DRICH1: variants seen among roughly 807,000 people sequenced by gnomAD.
The protein encoded by DRICH1 is aspartate rich 1, also known as aspartate-rich protein 1.
In DRICH1, 38 loss-of-function variants were observed where a neutral mutation model predicts 39.5. The observed-to-expected ratio is 0.96, with a 90% CI of 0.74 to 1.26. The LOEUF (loss-of-function observed/expected upper bound fraction) is 1.26. Ranked by LOEUF, DRICH1 falls within the 50% of genes most tolerant of loss-of-function variation. The probability of loss-of-function intolerance (pLI) is 0.00; values close to 1 mark genes in which losing one functional copy is unlikely to be tolerated. For synonymous variants in DRICH1, 84 were observed against 99.5 expected (o/e 0.84, Z 0.93); for missense variants, 279 against 270.4 (o/e 1.03, Z -0.22).
chr22:23,609,241 C>T (rs1196233974), intron 11 of DRICH1, among the ~76,000 whole-genome samples: 1 of 152,232 alleles, frequency 6.6e-6, no homozygotes, highest in Non-Finnish European at 1.5e-5. Flanking sequence ...CAGCTCTACA[C>T]TGACTGTTTA....
At chr22:23,620,109 CAT>C (rs1927629683) in intron 5 of DRICH1, among the ~76,000 whole-genome samples, 1 of 152,154 alleles carries the variant, frequency 6.6e-6, no homozygotes, top group African/African-American at 2.4e-5. Context: ...AGCCCATAAA[CAT>C]AGTACTTCTC....
At chr22:23,622,045 T>A (rs1386591360) in intron 4 of DRICH1, 46 bp downstream of exon 4, 33 of 1,597,330 alleles carry the variant, frequency 2.1e-5, no homozygotes, top group Non-Finnish European at 2.7e-5. Context: ...GTTTCTCACA[T>A]CAGAAAACCA....
rs141769457 is a variant in DRICH1, at chr22:23,613,195, C to T, written c.685+94G>A. The T allele has an allele frequency of 9.9e-5, 87 of 882,042 alleles. No individual in the cohort carries two copies. The East Asian group carries it at 1.5e-3, about 16-fold the overall frequency. The allele number at this position is 882,042 out of a possible 1,614,324, so 54.6% of individuals were successfully genotyped here. On this transcript the variant is annotated intron_variant, in intron 11 of 11. Transcript: ENST00000317749. ...CCATTTTCTTTCTGATTTCATACCC[C>T]CTCCTTCAGCCCCTCCTCACAAGCA...
chr22:23,629,055 T>C (rs1244554659), intron 1 of DRICH1, among the ~76,000 whole-genome samples: 1 of 152,102 alleles, frequency 6.6e-6, no homozygotes, highest in African/African-American at 2.4e-5. Flanking sequence ...TTTGTTTGTT[T>C]GTTTTGAGAA....
At chr22:23,629,970 A>C (rs1235930324) in intron 1 of DRICH1, among the ~76,000 whole-genome samples, 1 of 152,146 alleles carries the variant, frequency 6.6e-6, no homozygotes, top group Non-Finnish European at 1.5e-5. Flanking sequence ...AATACAATGC[A>C]ATATCTTCCT....
chr22:23,613,471 G>A, intron 10 of DRICH1, 141 bp from the exon 11 acceptor site: 1 of 936,670 alleles, frequency 1.1e-6, no homozygotes. Flanking sequence ...TCTTTCTTCT[G>A]GGTCGACAAA....
At chr22:23,598,402 A>G in the DRICH1 span, among the ~76,000 whole-genome samples, 1 of 151,410 alleles carries the variant, frequency 6.6e-6, no homozygotes, top group Non-Finnish European at 1.5e-5. Context: ...TTAATCCCCA[A>G]AACAAACCTG....
chr22:23,594,948 A>G, the DRICH1 span, among the ~76,000 whole-genome samples: 36,627 of 133,278 alleles, frequency 0.27, 5,547 homozygotes, highest in East Asian at 0.34. Flanking sequence ...ATGTTGATGA[A>G]GTCCCCAGAC....
chr22:23,626,122 T>C (rs1928048338), intron 1 of DRICH1, 74 bp from the exon 2 acceptor site: 4 of 999,760 alleles, frequency 4.0e-6, no homozygotes, highest in Non-Finnish European at 6.4e-6. Flanking sequence ...CTTTGCTGGA[T>C]GCGGCACATG....
the DRICH1 span, chr22:23,581,202 T>G: frequency 6.6e-6 from 1 of 152,258 alleles, no homozygotes; most frequent in Non-Finnish European, 1.5e-5. Context: ...TTCATTCTTA[T>G]AGATTTCACT....
chr22:23,610,010 C>T (rs1191389792), intron 11 of DRICH1, among the ~76,000 whole-genome samples: 4 of 152,072 alleles, frequency 2.6e-5, no homozygotes, highest in Non-Finnish European at 4.4e-5. Flanking sequence ...CAGGTCCTTA[C>T]GAACCATCTC....
At position 23,608,705 on chromosome 22, in the gene DRICH1, T is replaced by G; in HGVS notation, c.*59A>C. 2 of 1,537,328 alleles carry G rather than the reference T, an allele frequency of 1.3e-6. No homozygotes were observed. The highest frequency in any genetic ancestry group is 1.8e-6 in the Non-Finnish European group (2 of 1,134,592). On this transcript the variant is annotated 3_prime_UTR_variant, in exon 12 of 12. Coordinates refer to ENST00000317749, the MANE Select transcript of DRICH1 (RefSeq NM_016449.4). ...CCTCCAGGGGCAAAGCTGGGGACCC[T>G]GCAGCACGCGCTGGCCTGCCCTTTG...
the DRICH1 span, among the ~76,000 whole-genome samples, chr22:23,587,022 C>T: frequency 6.6e-6 from 1 of 152,196 alleles, no homozygotes; most frequent in Non-Finnish European, 1.5e-5. Context: ...TAGCCCACCA[C>T]TCCTGCACAC....
At chr22:23,597,653 G>A in the DRICH1 span, among the ~76,000 whole-genome samples, 2 of 151,686 alleles carry the variant, frequency 1.3e-5, no homozygotes, top group Admixed American at 1.3e-4. Flanking sequence ...ATCTCTGGGA[G>A]GCCACAGCTT....
chr22:23,622,219 G>C (rs762737654), intron 3 of DRICH1, 43 bp from the exon 4 acceptor site: 9 of 1,571,340 alleles, frequency 5.7e-6, no homozygotes, highest in Non-Finnish European at 7.0e-6. Context: ...GGTTGATTGT[G>C]ACTGTGAGTC....
the DRICH1 span, chr22:23,581,190 A>C: frequency 6.6e-6 from 1 of 152,212 alleles, no homozygotes; most frequent in Non-Finnish European, 1.5e-5. Context: ...ACATCTCCAG[A>C]GTTCATTCTT....
At chr22:23,591,767 T>C in the DRICH1 span, among the ~76,000 whole-genome samples, 2 of 152,212 alleles carry the variant, frequency 1.3e-5, no homozygotes, top group African/African-American at 4.8e-5. Context: ...CACCAGGCGT[T>C]AAGGCGACAT....
the DRICH1 span, chr22:23,581,443 T>G: frequency 6.6e-6 from 1 of 152,164 alleles, no homozygotes; most frequent in East Asian, 1.9e-4. Flanking sequence ...CACCCAAGAG[T>G]CTCAGGTTCC....
At chr22:23,620,995 T>C (rs1451639286) in intron 4 of DRICH1, among the ~76,000 whole-genome samples, 1 of 152,136 alleles carries the variant, frequency 6.6e-6, no homozygotes, top group East Asian at 1.9e-4. Flanking sequence ...CTGAACTCCA[T>C]CCTCACAGAG....
Sources: gnomAD v4.1 joint callset for allele counts (sites outside exome capture counted in the v4.1 genomes callset) on GRCh38, gnomAD v4.1.1 for gene constraint, MANE v1.5 for transcripts, NCBI Gene and HGNC (gene_info 2026-07-23, HGNC 2026-07-21) for gene names.